FXYD5: variants seen among roughly 807,000 people sequenced by gnomAD.
FXYD5 encodes the protein FXYD domain containing ion transport regulator 5.
In FXYD5, 21 loss-of-function variants were observed where a neutral mutation model predicts 25.7. The ratio of observed to expected loss-of-function variants is 0.82; its 90% CI spans 0.58 to 1.18. The LOEUF (loss-of-function observed/expected upper bound fraction) is 1.18. Among genes scored for constraint, FXYD5 ranks in the 50% most tolerant of loss-of-function variants. The pLI, the probability that FXYD5 is intolerant of heterozygous loss-of-function variation, is 0.00. For synonymous variants in FXYD5, 101 were observed against 90.7 expected (o/e 1.11, Z -0.64); for missense variants, 229 against 227.7 (o/e 1.01, Z -0.04).
At chr19:35,163,938 C>T (rs1442561647) in intron 5 of FXYD5, 34 of 1,410,924 alleles carry the variant, frequency 2.4e-5, no homozygotes, top group Non-Finnish European at 3.1e-5. Flanking sequence ...TGAGGCAGAT[C>T]AGATAGTCGC....
At chr19:35,155,264 C>G in intron 1 of FXYD5, 1 of 512,912 alleles carries the variant, frequency 1.9e-6, no homozygotes, top group South Asian at 2.3e-5. Flanking sequence ...AGGTGTTTCT[C>G]TGCTTCAGGA....
chr19:35,159,596 G>C, intron 4 of FXYD5: 1 of 1,550,462 alleles, frequency 6.4e-7, no homozygotes, highest in Non-Finnish European at 8.7e-7. Context: ...TCTACACACA[G>C]CACCACAATG....
chr19:35,169,523 A>G (rs2065479560), intron 8 of FXYD5, 43 bp from the exon 9 acceptor site: 2 of 1,451,556 alleles, frequency 1.4e-6, no homozygotes, highest in Non-Finnish European at 1.9e-6. Context: ...ATAAGAATCA[A>G]TATCACTCTA....
At position 35,155,607 on chromosome 19, in the gene FXYD5, C is replaced by A. The variant is rs1404846405; in HGVS notation, c.57C>A (p.Thr19=). The change falls in exon 2 of 9, where the codon ACC becomes ACA. Residue 19 remains threonine (T), a synonymous_variant. Transcript: ENST00000392219. ...CCATCGTTGGCCTGATTCTCCCCAC[C>A]AGAGGTAAGACCCATCTCTGGCCTC... ...LLTIVGLILP[T]RGQTLKDTTS... The A allele has an allele frequency of 2.5e-6, 4 of 1,607,902 alleles. No homozygotes were observed. In the East Asian group the frequency reaches 8.9e-5, roughly 36 times the overall value.
chr19:35,157,538 T>C, intron 3 of FXYD5, 37 bp downstream of exon 3: 1 of 1,026,370 alleles, frequency 9.7e-7, no homozygotes, highest in South Asian at 1.3e-5. Context: ...ATCCTGTCAT[T>C]GCAAATAACA....
rs147350620 is a variant in FXYD5, at chr19:35,163,575, G to A, written c.293-581G>A. Among the ~76,000 whole-genome samples the A allele has an allele frequency of 3.2e-3, 493 of 152,072 alleles. 3 individuals are homozygous for A. Among genetic ancestry groups the A allele is most frequent in the African/African-American group, 6.8e-3 (284 of 41,476 alleles). On this transcript the variant is annotated intron_variant, in intron 5 of 8. Transcript: ENST00000392219. ...TGGCTCACTGCAATCTCCACCTCCCGAGTTCAGGCAATTCTCCTGCCTCAG... is the reference window on the plus strand; with the variant it reads ...TGGCTCACTGCAATCTCCACCTCCCAAGTTCAGGCAATTCTCCTGCCTCAG...
chr19:35,162,243 G>T (rs2065412784), intron 5 of FXYD5, among the ~76,000 whole-genome samples: 1 of 152,154 alleles, frequency 6.6e-6, no homozygotes, highest in East Asian at 1.9e-4. Context: ...GGGCATGAAA[G>T]CCCCCAGGGC....
chr19:35,157,259 G>C (rs1232441093), intron 2 of FXYD5, among the ~76,000 whole-genome samples, 162 bp from the exon 3 acceptor site: 1 of 152,120 alleles, frequency 6.6e-6, no homozygotes, highest in Non-Finnish European at 1.5e-5. Context: ...CCAGGCATTG[G>C]CATAGCTGAA....
chr19:35,167,403 C>G (rs1032497720), intron 8 of FXYD5, among the ~76,000 whole-genome samples: 3 of 152,114 alleles, frequency 2.0e-5, no homozygotes, highest in African/African-American at 7.2e-5. Flanking sequence ...TGTGACCAAA[C>G]CAGGAGGGAG....
intron 5 of FXYD5, among the ~76,000 whole-genome samples, chr19:35,163,569 C>T (rs1178579546): frequency 6.6e-6 from 1 of 152,044 alleles, no homozygotes; most frequent in Non-Finnish European, 1.5e-5. Flanking sequence ...GCAATCTCCA[C>T]CTCCCGAGTT....
intron 1 of FXYD5, chr19:35,155,184 A>C (rs2065341481): frequency 3.7e-6 from 1 of 271,476 alleles, no homozygotes; most frequent in Non-Finnish European, 7.0e-6. Flanking sequence ...CCTCCTATCT[A>C]CTCCTCTGCC....
At chr19:35,165,691 C>T (rs1232630061) in intron 6 of FXYD5, among the ~76,000 whole-genome samples, 1 of 152,192 alleles carries the variant, frequency 6.6e-6, no homozygotes, top group East Asian at 1.9e-4. Flanking sequence ...TGGAGTTGCT[C>T]TGGTTCAAAC....
chr19:35,165,965 G>C (rs926387899), intron 6 of FXYD5, among the ~76,000 whole-genome samples, 177 bp from the exon 7 acceptor site: 1 of 152,134 alleles, frequency 6.6e-6, no homozygotes, highest in Non-Finnish European at 1.5e-5. Flanking sequence ...GGGAGTGAGG[G>C]GGATAGGAAG....
At chr19:35,163,887 C>A in intron 5 of FXYD5, 1 of 984,148 alleles carries the variant, frequency 1.0e-6, no homozygotes, top group Non-Finnish European at 1.4e-6. Context: ...ATAGTGTGGG[C>A]CAGAAGGTCC....
At chr19:35,157,002 G>A (rs1361557700) in intron 2 of FXYD5, 6 of 175,824 alleles carry the variant, frequency 3.4e-5, no homozygotes, top group Non-Finnish European at 6.0e-5. Context: ...CCCTTTCCCT[G>A]CTCTGTGTCA....
intron 8 of FXYD5, among the ~76,000 whole-genome samples, chr19:35,168,747 G>A (rs189846518): frequency 6.6e-6 from 1 of 151,990 alleles, no homozygotes; most frequent in Non-Finnish European, 1.5e-5. Context: ...TCTCCCTTAC[G>A]TCCTTCAGAC....
chr19:35,159,830 G>A (rs192281374), intron 4 of FXYD5: 59 of 655,738 alleles, frequency 9.0e-5, no homozygotes, highest in African/African-American at 8.9e-4. Flanking sequence ...TGGAATCGAA[G>A]TCCAGGAATC....
chr19:35,164,016 TA>T (rs2065428711), intron 5 of FXYD5, 139 bp from the exon 6 acceptor site: 1 of 1,527,748 alleles, frequency 6.5e-7, no homozygotes, highest in Non-Finnish European at 8.8e-7. Flanking sequence ...AGGTGTGGAG[TA>T]GGGGGGATGC....
At chr19:35,155,688 G>A (rs1397780907) in intron 2 of FXYD5, 77 bp downstream of exon 2, 2 of 1,087,446 alleles carry the variant, frequency 1.8e-6, no homozygotes, top group Non-Finnish European at 2.8e-6. Flanking sequence ...CGGGGTGGGT[G>A]GTTGGCCCGT....
Sources: allele counts gnomAD v4.1 joint callset (sites outside exome capture counted in the v4.1 genomes callset), GRCh38; gene constraint gnomAD v4.1.1; transcripts MANE v1.5; gene names NCBI Gene and HGNC (gene_info 2026-07-23, HGNC 2026-07-21).